The following CENPE variants were observed in gnomAD, a reference collection of about 807,000 sequenced individuals.
CENPE encodes the protein centromere protein E.
Under a neutral mutation model 336.1 loss-of-function variants are expected in CENPE, and 145 were observed. That is an observed-to-expected ratio of 0.43 (90% CI 0.38 to 0.50). The LOEUF (loss-of-function observed/expected upper bound fraction) is 0.50, where lower values mean the gene tolerates loss of function less well. CENPE is among the 20% of genes least tolerant of loss of function. The pLI, the probability that CENPE is intolerant of heterozygous loss-of-function variation, is 0.00. For missense variants in CENPE, 2,719 were observed against 3,023.3 expected, an observed-to-expected ratio of 0.90 and a Z score of 2.36; for synonymous variants, 1,013 against 984.8, an observed-to-expected ratio of 1.03 and a Z score of -0.54.
chr4:103,197,648 T>C (rs1578709615), intron 1 of CENPE, among the ~76,000 whole-genome samples: 1 of 152,230 alleles, frequency 6.6e-6, no homozygotes, highest in African/African-American at 2.4e-5. Flanking sequence ...ACCGATTTCA[T>C]TTATTCCTCT....
At chr4:103,161,561 C>G (rs528951685) in intron 18 of CENPE, 104 bp from the exon 19 acceptor site, 1 of 966,428 alleles carries the variant, frequency 1.0e-6, no homozygotes, top group African/African-American at 1.7e-5. Context: ...AATCAAAAAG[C>G]GTACAAATAT....
chr4:103,184,357 G>A (rs964426498), intron 9 of CENPE, among the ~76,000 whole-genome samples: 1 of 152,196 alleles, frequency 6.6e-6, no homozygotes, highest in African/African-American at 2.4e-5. Context: ...TAAGCATTAT[G>A]AACTATTCAT....
chr4:103,124,881 C>A (rs1430184202), intron 42 of CENPE, among the ~76,000 whole-genome samples: 1 of 152,154 alleles, frequency 6.6e-6, no homozygotes, highest in African/African-American at 2.4e-5. Context: ...CACCTCACAC[C>A]ATACCAAGTT....
intron 2 of CENPE, 22 bp downstream of exon 2, chr4:103,196,737 T>C: frequency 1.8e-6 from 2 of 1,123,872 alleles, no homozygotes; most frequent in Middle Eastern, 2.6e-4. Flanking sequence ...CAAGGTAACT[T>C]TTGATGCTAT....
At chr4:103,122,793 TAAGTA>T (rs923490561) in intron 43 of CENPE, 73 bp downstream of exon 43, 10 of 1,046,108 alleles carry the variant, frequency 9.6e-6, no homozygotes, top group South Asian at 1.4e-5. Flanking sequence ...TGTTCAGTAA[TAAGTA>T]AATACTATAA....
rs201066291 is a variant in CENPE, at chr4:103,114,527, C to T, written c.7468G>A (p.Glu2490Lys). The T allele has an allele frequency of 1.5e-4, 246 of 1,610,208 alleles. No homozygotes were observed. Among genetic ancestry groups the T allele is most frequent in the Non-Finnish European group, 1.9e-4 (225 of 1,178,200 alleles). Residue 2490 changes from glutamate (E) to lysine (K), a missense_variant, in exon 46 of 49, where the codon GAA becomes AAA. Glu to Lys is a moderately conservative substitution (Grantham distance 56). Coordinates refer to ENST00000265148, the MANE Select transcript of CENPE (RefSeq NM_001813.3). ...KEISATKATV[E>K]YQKEVIRLLR... is the part of the protein sequence containing the mutation. ...AGCCTTATAACTTCCTTTTGATATT[C>T]TACAGTGGCTTTTGTAGCACTGATT...
intron 8 of CENPE, among the ~76,000 whole-genome samples, chr4:103,191,709 G>A (rs1262129117): frequency 6.6e-6 from 1 of 151,842 alleles, no homozygotes; most frequent in African/African-American, 2.4e-5. Context: ...ACGAGTTAAT[G>A]GGTGCAGTAT....
At position 103,198,292 on chromosome 4, in the gene CENPE, A is replaced by T; in HGVS notation, c.28T>A (p.Cys10Ser). 1.3e-6 allele frequency: 2 copies of T among 1,550,922 alleles called. No homozygotes were observed. The highest frequency in any genetic ancestry group is 1.7e-6 in the Non-Finnish European group (2 of 1,146,894). Residue 10 changes from cysteine to serine, a missense_variant, in exon 1 of 49, where the codon TGC (cysteine) becomes AGC (serine). Around this residue, in one of 5 missense-constraint regions of CENPE, gnomAD observed 48 missense variants for 50.8 expected, o/e 0.94. Coordinates refer to ENST00000265148, the MANE Select transcript of CENPE (RefSeq NM_001813.3). MAEEGAVAV[C>S]VRVRPLNSRE... is the part of the protein sequence containing the mutation. ...CTGTTCAGCGGCCGCACTCGCACGC[A>T]GACGGCCACGGCTCCTTCCTCCGCC...
chr4:103,133,859 C>G lies in CENPE; in HGVS notation c.6556G>C (p.Glu2186Gln), dbSNP rs760973249. 13 of 1,592,802 alleles carry G rather than the reference C, an allele frequency of 8.2e-6. No individual in the cohort carries two copies. The highest frequency in any genetic ancestry group is 1.7e-4 in the Middle Eastern group (1 of 5,938). ...VLSYVTKIKEEQHESINKFEM... is the reference protein window; with the variant it reads ...VLSYVTKIKEQQHESINKFEM... ...AATTTATTGATGGATTCATGTTGTT[C>G]TTCTTTTATTTTTGTAACATAGCTT... Residue 2186 changes from glutamate to glutamine, a missense_variant, in exon 41 of 49, where the codon GAA becomes CAA. This residue lies in a region of CENPE where 2,437 missense variants were observed against 2,513.3 expected (regional missense o/e 0.97). Transcript: ENST00000265148.
chr4:103,174,659 CT>C, intron 16 of CENPE, 76 bp downstream of exon 16: 1 of 1,067,438 alleles, frequency 9.4e-7, no homozygotes, highest in South Asian at 2.1e-5. Context: ...ATTAAAAAAG[CT>C]TACATTATAG....
chr4:103,110,886 T>C lies in CENPE; in HGVS notation c.7666A>G (p.Ile2556Val). The C allele has an allele frequency of 1.2e-6, 2 of 1,607,460 alleles. No homozygotes were observed. The highest frequency in any genetic ancestry group is 2.2e-5 in the South Asian group (2 of 89,350). ...KSEHIRLEKEISKLKQQNEQL... is the reference protein window; with the variant it reads ...KSEHIRLEKEVSKLKQQNEQL... Reference sequence around the variant, plus strand: ...TCATTTTGCTGCTTTAACTTAGAAATTTCTTTTTCTAGCCTTATATGTTCA... The same window carrying C: ...TCATTTTGCTGCTTTAACTTAGAAACTTCTTTTTCTAGCCTTATATGTTCA... The change falls in exon 47 of 49, where the codon ATT (isoleucine) becomes GTT (valine). Residue 2556 changes from isoleucine (I) to valine (V), a missense_variant. Around this residue, in one of 5 missense-constraint regions of CENPE, gnomAD observed 2,437 missense variants for 2,513.3 expected, o/e 0.97. Coordinates refer to ENST00000265148, the MANE Select transcript of CENPE (RefSeq NM_001813.3).
chr4:103,161,256 T>A lies in CENPE; in HGVS notation c.1966-5A>T. 1 of 1,606,424 alleles carries A rather than the reference T, an allele frequency of 6.2e-7. No individual in the cohort carries two copies. Among genetic ancestry groups the A allele is most frequent in the Non-Finnish European group, 8.5e-7 (1 of 1,177,280 alleles). On this transcript the variant is annotated splice_polypyrimidine_tract_variant and splice_region_variant and intron_variant, in intron 19 of 48. Transcript: ENST00000265148. ...GTATGTAGTTGCAAGTTCTTTCTATTGAGAAAAACATTGCAAATGCACAAA... is the reference window on the plus strand; with the variant it reads ...GTATGTAGTTGCAAGTTCTTTCTATAGAGAAAAACATTGCAAATGCACAAA...
chr4:103,121,605 G>A (rs1414587346), intron 43 of CENPE, among the ~76,000 whole-genome samples: 1 of 148,588 alleles, frequency 6.7e-6, no homozygotes, highest in Non-Finnish European at 1.5e-5. Context: ...CTGGTGTGCA[G>A]TGGCATGATC....
chr4:103,112,652 A>G (rs1042314586), intron 46 of CENPE, among the ~76,000 whole-genome samples: 34 of 130,118 alleles, frequency 2.6e-4, no homozygotes, highest in African/African-American at 4.5e-4. Flanking sequence ...ATATATACTT[A>G]TAAGTATATA....
chr4:103,128,386 T>C (rs1032149546), intron 42 of CENPE, among the ~76,000 whole-genome samples: 2 of 152,196 alleles, frequency 1.3e-5, no homozygotes, highest in Non-Finnish European at 2.9e-5. Flanking sequence ...AGGAAGGACA[T>C]GGTTGAATTT....
intron 16 of CENPE, 101 bp downstream of exon 16, chr4:103,174,635 T>C (rs1219092453): frequency 2.5e-6 from 2 of 793,212 alleles, no homozygotes; most frequent in South Asian, 2.3e-5. Context: ...ATGTTATCTG[T>C]ACATTTAAAA....
At chr4:103,183,353 T>C (rs1265809462) in intron 9 of CENPE, 65 bp from the exon 10 acceptor site, 1 of 1,310,686 alleles carries the variant, frequency 7.6e-7, no homozygotes, top group East Asian at 2.3e-5. Context: ...AACTTATTTA[T>C]CACTAAGTTA....
rs1303498244 is a variant in CENPE at position 103,144,390 on chromosome 4, C to T, written c.5086G>A (p.Glu1696Lys). 1.2e-6 allele frequency: 2 copies of T among 1,613,916 alleles called. No homozygotes were observed. The highest frequency in any genetic ancestry group is 2.2e-5 in the South Asian group (2 of 91,060). ...TGGTCTCTCTCTACTTTGAGAGTCT[C>T]CTCCACACTCCTAAGGTCATCTCTT... ...KERDDLRSVE[E>K]TLKVERDQLK... The change falls in exon 33 of 49, where the codon GAG (glutamate) becomes AAG (lysine). Residue 1696 changes from glutamate to lysine, a missense_variant. By Grantham distance (56) the Glu-to-Lys change is moderately conservative. This residue lies in a region of CENPE where 2,437 missense variants were observed against 2,513.3 expected (regional missense o/e 0.97). Coordinates refer to ENST00000265148, the MANE Select transcript of CENPE (RefSeq NM_001813.3).
At chr4:103,154,305 G>A (rs551049046) in intron 24 of CENPE, among the ~76,000 whole-genome samples, 4 of 149,274 alleles carry the variant, frequency 2.7e-5, no homozygotes, top group African/African-American at 9.8e-5. Context: ...TTGTTTTTTT[G>A]TTTTTTAAAC....
Sources: gnomAD v4.1 joint callset for allele counts (sites outside exome capture counted in the v4.1 genomes callset) on GRCh38, gnomAD v4.1.1 for gene constraint, gnomAD v4.1.1 regional missense constraint, MANE v1.5 for transcripts, NCBI Gene and HGNC (gene_info 2026-07-23, HGNC 2026-07-21) for gene names.